The following APC variants were observed in gnomAD, a reference collection of about 807,000 sequenced individuals.
APC encodes APC regulator of Wnt signaling pathway, also known as adenomatous polyposis coli protein.
In APC, 72 loss-of-function variants were observed where a neutral mutation model predicts 247.0. The observed-to-expected ratio is 0.29, with a 90% CI of 0.24 to 0.35. The LOEUF (loss-of-function observed/expected upper bound fraction) is 0.35, where lower values mean the gene tolerates loss of function less well. APC is among the 10% of genes least tolerant of loss of function. APC has a pLI of 1.00. For missense variants in APC, 3,400 were observed against 3,360.7 expected, an observed-to-expected ratio of 1.01 and a Z score of -0.29; for synonymous variants, 1,254 against 1,162.5, an observed-to-expected ratio of 1.08 and a Z score of -1.60.
intron 6 of APC, among the ~76,000 whole-genome samples, chr5:112,786,127 A>G (rs1224959671): frequency 1.3e-5 from 2 of 152,202 alleles, no homozygotes; most frequent in Non-Finnish European, 2.9e-5. Flanking sequence ...CTGGTTGCCC[A>G]GGCTGTAGTG....
intron 1 of APC, among the ~76,000 whole-genome samples, chr5:112,740,949 G>A (rs1297153374): frequency 2.6e-5 from 4 of 151,982 alleles, no homozygotes; most frequent in Admixed American, 1.3e-4. Context: ...TTTTATACTT[G>A]TATATGTTTA....
At chr5:112,757,492 C>T (rs1487202064) in intron 2 of APC, among the ~76,000 whole-genome samples, 2 of 151,936 alleles carry the variant, frequency 1.3e-5, no homozygotes, top group African/African-American at 2.4e-5. Context: ...CTAGCACTTT[C>T]GGAGGCCAAG....
intron 8 of APC, among the ~76,000 whole-genome samples, chr5:112,814,352 A>C (rs58659317): frequency 6.6e-6 from 1 of 152,088 alleles, no homozygotes; most frequent in South Asian, 2.1e-4. Context: ...GTCAGATTCA[A>C]AGTGAGCTCA....
intron 8 of APC, among the ~76,000 whole-genome samples, chr5:112,801,626 T>C (rs551981007): frequency 4.6e-5 from 7 of 151,866 alleles, no homozygotes; most frequent in Non-Finnish European, 8.8e-5. Flanking sequence ...TAGTCTAAAA[T>C]GATTGTGAGT....
intron 1 of APC, among the ~76,000 whole-genome samples, chr5:112,730,194 T>C (rs192845476): frequency 0.016 from 2,402 of 152,356 alleles, 31 homozygotes; most frequent in Non-Finnish European, 0.025. Context: ...TATTTTTACC[T>C]ATTCTGATTA....
chr5:112,768,108 A>G lies in APC; in HGVS notation c.422+718A>G, dbSNP rs890993699. On this transcript the variant is annotated intron_variant, in intron 4 of 15. Coordinates refer to ENST00000257430, the MANE Select transcript of APC (RefSeq NM_000038.6). Reference sequence around the variant, plus strand: ...GCCCAGGCTGGATTGCAATGGCACAATCTCGGCTCACTGCAACCTCTGCCT... The same window carrying G: ...GCCCAGGCTGGATTGCAATGGCACAGTCTCGGCTCACTGCAACCTCTGCCT... Among the ~76,000 whole-genome samples the G allele has an allele frequency of 1.1e-4, 16 of 150,494 alleles. 1 individual carries two copies. Among genetic ancestry groups the G allele is most frequent in the Admixed American group, 2.6e-4 (4 of 15,112 alleles).
intron 1 of APC, among the ~76,000 whole-genome samples, chr5:112,748,112 C>T (rs1402527055): frequency 2.0e-5 from 3 of 152,124 alleles, no homozygotes; most frequent in Non-Finnish European, 4.4e-5. Flanking sequence ...AACCCCCGCT[C>T]CTGGTCGTTG....
At chr5:112,721,891 G>GA (rs370025531) in intron 1 of APC, among the ~76,000 whole-genome samples, 59 of 151,294 alleles carry the variant, frequency 3.9e-4, no homozygotes, top group East Asian at 1.2e-3. Flanking sequence ...AAAATTGCAG[G>GA]AAAAAAAAAT....
chr5:112,809,657 T>C (rs1266972399), intron 8 of APC, among the ~76,000 whole-genome samples: 2 of 151,960 alleles, frequency 1.3e-5, no homozygotes, highest in Non-Finnish European at 2.9e-5. Flanking sequence ...TTGGGCCTTC[T>C]TTCCTACTAT....
At chr5:112,764,741 A>G (rs918925501) in intron 2 of APC, among the ~76,000 whole-genome samples, 1 of 152,198 alleles carries the variant, frequency 6.6e-6, no homozygotes, top group Non-Finnish European at 1.5e-5. Flanking sequence ...AAATAAGGAT[A>G]AGATTAAAAA....
Position 112,839,060 on chromosome 5 carries a change from G to A in APC, c.3466G>A (p.Glu1156Lys), listed in dbSNP as rs1444797750. The A allele has an allele frequency of 2.5e-6, 4 of 1,614,100 alleles. No homozygotes were observed. The South Asian group carries it at 4.4e-5, about 18-fold the overall frequency. ...CTCTGAAGAAGAACAGCATGAAGAA[G>A]AAGAGAGACCAACAAATTATAGCAT... ...RYSEEEQHEE[E>K]ERPTNYSIKY... Residue 1156 changes from glutamate (E) to lysine (K), a missense_variant, in exon 16 of 16, where the codon GAA (glutamate) becomes AAA (lysine). Glu to Lys is a moderately conservative substitution (Grantham distance 56, BLOSUM62 1). Coordinates refer to ENST00000257430, the MANE Select transcript of APC (RefSeq NM_000038.6). The surrounding 1 kb of genome is among the most constrained non-coding windows in gnomAD (Gnocchi z 5.0).
chr5:112,755,061 A>G, intron 2 of APC, 36 bp downstream of exon 2: 3 of 1,611,392 alleles, frequency 1.9e-6, no homozygotes, highest in Non-Finnish European at 2.5e-6. Flanking sequence ...TAGTTTATCC[A>G]TTTTTATTCA....
At chr5:112,748,385 C>A (rs1180453073) in intron 1 of APC, among the ~76,000 whole-genome samples, 5 of 152,132 alleles carry the variant, frequency 3.3e-5, no homozygotes. Context: ...GATTTTGTAT[C>A]TGGCAAGCCT....
chr5:112,832,604 G>A (rs1245126139), intron 14 of APC, among the ~76,000 whole-genome samples: 2 of 152,156 alleles, frequency 1.3e-5, no homozygotes, highest in Non-Finnish European at 2.9e-5. Flanking sequence ...CATGGACTGT[G>A]ATCTCCTTTG....
intron 9 of APC, among the ~76,000 whole-genome samples, chr5:112,817,674 G>A (rs553529015): frequency 1.3e-5 from 2 of 152,292 alleles, no homozygotes; most frequent in East Asian, 3.9e-4. Context: ...ATTTATGCAT[G>A]ATAATATTAA....
chr5:112,755,854 A>C (rs768729367), intron 2 of APC, among the ~76,000 whole-genome samples: 2 of 152,158 alleles, frequency 1.3e-5, no homozygotes, highest in East Asian at 3.8e-4. Flanking sequence ...TCAGGCCTGT[A>C]ATCCCAGCTC....
intron 6 of APC, among the ~76,000 whole-genome samples, chr5:112,786,212 C>G (rs189331985): frequency 1.3e-5 from 2 of 152,272 alleles, no homozygotes; most frequent in Non-Finnish European, 2.9e-5. Context: ...TCCTCAGCCT[C>G]CCACATAGTT....
At chr5:112,752,689 T>G (rs565756045) in intron 1 of APC, among the ~76,000 whole-genome samples, 1 of 152,298 alleles carries the variant, frequency 6.6e-6, no homozygotes, top group South Asian at 2.1e-4. Context: ...CAAAGTAAAT[T>G]TATGACTTCA....
intron 1 of APC, among the ~76,000 whole-genome samples, chr5:112,716,696 CTT>C (rs1158221686): frequency 6.6e-6 from 1 of 152,106 alleles, no homozygotes; most frequent in South Asian, 2.1e-4. Flanking sequence ...GTTCTCTAAT[CTT>C]TTATAAATTT....
Sources: gnomAD v4.1 joint callset for allele counts (sites outside exome capture counted in the v4.1 genomes callset) on GRCh38, gnomAD v4.1.1 for gene constraint, Gnocchi (gnomAD v3.1) non-coding constraint, MANE v1.5 for transcripts, NCBI Gene and HGNC (gene_info 2026-07-23, HGNC 2026-07-21) for gene names.